Variants in CNKSR2 observed in about 807,000 individuals in gnomAD.
CNKSR2 encodes the protein CNK homolog protein 2.
In CNKSR2, 14 loss-of-function variants were observed where a neutral mutation model predicts 84.4. The observed-to-expected ratio is 0.17, with a 90% CI of 0.11 to 0.26. The LOEUF is 0.26. Ranked by LOEUF, CNKSR2 falls within the 10% of genes least tolerant of loss-of-function variation. The pLI, the probability that CNKSR2 is intolerant of heterozygous loss-of-function variation, is 1.00. For missense variants in CNKSR2, 485 were observed against 771.2 expected (o/e 0.63, Z 4.40); for synonymous variants, 275 against 277.9 (o/e 0.99, Z 0.10).
Position 21,653,740 on chromosome X carries a change from G to A in CNKSR2, c.*1219G>A, listed in dbSNP as rs765857464. On this transcript the variant is annotated 3_prime_UTR_variant, in exon 22 of 22. Transcript: ENST00000379510. ...TCTTCATATATTTCCATTTATAAGC[G>A]TCTTGTTTTTGAAAGTGATCACAGC... The A allele has an allele frequency of 2.7e-5, 3 of 110,811 alleles. No homozygotes were observed. The highest frequency in any genetic ancestry group is 2.9e-4 in the East Asian group (1 of 3,496). 9.1% of individuals were successfully genotyped at this position (110,811 alleles called of 1,213,427 possible).
At chrX:21,488,554 A>G (rs2091409138) in intron 5 of CNKSR2, among the ~76,000 whole-genome samples, 1 of 111,781 alleles carries the variant, frequency 8.9e-6, no homozygotes, top group South Asian at 3.8e-4. Flanking sequence ...GATAGACACA[A>G]TAAAAGTACA....
intron 1 of CNKSR2, among the ~76,000 whole-genome samples, chrX:21,394,715 A>G (rs1264973956): frequency 9.0e-6 from 1 of 111,448 alleles, no homozygotes; most frequent in Non-Finnish European, 1.9e-5. Flanking sequence ...GATTATTTAA[A>G]TTTTATTTCT....
chrX:21,560,740 C>T (rs2092180611), intron 11 of CNKSR2, among the ~76,000 whole-genome samples: 2 of 111,252 alleles, frequency 1.8e-5, no homozygotes, highest in Admixed American at 1.9e-4. Context: ...TGCAGCCTCA[C>T]CAAAATAAAA....
intron 11 of CNKSR2, among the ~76,000 whole-genome samples, chrX:21,561,038 A>T (rs2147186035): frequency 9.1e-6 from 1 of 110,409 alleles, no homozygotes; most frequent in South Asian, 3.9e-4. Flanking sequence ...CCAACTTGAA[A>T]CAGTGGGTTA....
At chrX:21,526,295 A>G (rs1209726234) in intron 9 of CNKSR2, among the ~76,000 whole-genome samples, 1 of 111,394 alleles carries the variant, frequency 9.0e-6, no homozygotes, top group Non-Finnish European at 1.9e-5. Context: ...GCTTATTTTG[A>G]CAGAAAAAAT....
rs1785813399 is a variant in CNKSR2, at chrX:21,649,315, G to A, written c.2889+288G>A. Among the ~76,000 whole-genome samples, 4 of 112,082 alleles carry A rather than the reference G, an allele frequency of 3.6e-5. No individual in the cohort carries two copies. The Admixed American group carries it at 3.8e-4, about 11-fold the overall frequency. On this transcript the variant is annotated intron_variant, in intron 21 of 21. Transcript: ENST00000379510. ...TGTTTTCTAAAAATGCAGGGCTGGT[G>A]TTATTCCTCAGTCTATAGATTTTCT...
rs1305351270 is a variant in CNKSR2 at position 21,531,934 on chromosome X, A to G, written c.1170A>G (p.Ser390=). ...AGCCAGTGCATAAGGGATCTGAATC[A>G]CCAAATTCATTTCTGGATCAGGAAT... ...VGKPVHKGSE[S]PNSFLDQEYR... is the part of the protein sequence containing the mutation. The change falls in exon 11 of 22, where the codon TCA becomes TCG. Residue 390 remains serine, a synonymous_variant. Transcript: ENST00000379510. The G allele has an allele frequency of 8.3e-7, 1 of 1,205,365 alleles. No individual in the cohort carries two copies. Among genetic ancestry groups the G allele is most frequent in the Non-Finnish European group, 1.1e-6 (1 of 890,224 alleles).
Position 21,490,801 on chromosome X carries a change from A to G in CNKSR2, c.681+223A>G, listed in dbSNP as rs2091434749. 2.1e-5 allele frequency: 5 copies of G among 236,279 alleles called. No individual in the cohort carries two copies. The South Asian group carries it at 7.0e-4, about 33-fold the overall frequency. 19.5% of individuals were successfully genotyped at this position (236,279 alleles called of 1,213,427 possible). ...GAGAATTGAAAATGGTGACTTCTGA[A>G]TTAATTTAATTTGGTACTCATTTAG... On this transcript the variant is annotated intron_variant, in intron 6 of 21. Transcript: ENST00000379510.
chrX:21,408,759 GT>G (rs1251168414), intron 1 of CNKSR2, among the ~76,000 whole-genome samples: 1 of 109,069 alleles, frequency 9.2e-6, no homozygotes, highest in Non-Finnish European at 1.9e-5. Context: ...TATCATGTTA[GT>G]TTTTTTTTAA....
chrX:21,540,141 G>T lies in CNKSR2; in HGVS notation c.1303+8074G>T, dbSNP rs764857610. Among the ~76,000 whole-genome samples, 5 of 112,392 alleles carry T rather than the reference G, an allele frequency of 4.4e-5. No homozygotes were observed. The East Asian group carries it at 1.4e-3, about 32-fold the overall frequency. ...CATCACAGTCACTTCAGGTAAGTTG[G>T]AAGGTGTGCACCAAGTGCTGTAGTA... On this transcript the variant is annotated intron_variant, in intron 11 of 21. Transcript: ENST00000379510.
At chrX:21,535,688 A>G (rs930096094) in intron 11 of CNKSR2, among the ~76,000 whole-genome samples, 2 of 110,859 alleles carry the variant, frequency 1.8e-5, no homozygotes, top group South Asian at 3.8e-4. Flanking sequence ...GGCATATAGA[A>G]ACACTACTGA....
intron 9 of CNKSR2, 72 bp downstream of exon 9, chrX:21,516,703 G>A: frequency 2.1e-6 from 2 of 969,948 alleles, no homozygotes; most frequent in East Asian, 6.3e-5. Flanking sequence ...CTTCTTTATT[G>A]TGCCTCATCT....
intron 4 of CNKSR2, among the ~76,000 whole-genome samples, chrX:21,445,351 A>G (rs1038174609): frequency 9.0e-6 from 1 of 111,568 alleles, no homozygotes; most frequent in African/African-American, 3.2e-5. Context: ...TATGGAGTAC[A>G]GAGTCATATT....
chrX:21,567,453 G>A (rs955453093), intron 13 of CNKSR2, among the ~76,000 whole-genome samples: 3 of 111,524 alleles, frequency 2.7e-5, no homozygotes. Flanking sequence ...GGCTTTCTCA[G>A]TGTCTTCAAC....
chrX:21,599,576 G>T (rs982224862), intron 17 of CNKSR2, among the ~76,000 whole-genome samples: 6 of 111,183 alleles, frequency 5.4e-5, no homozygotes. Flanking sequence ...TGTTGGTGAG[G>T]CTGGTTTCGA....
chrX:21,609,561 AGGAGGAGGAGGAGGAGGAGGAAGG>A lies in CNKSR2; in HGVS notation c.2642_2665del (p.Glu881_Glu888del). ...GTGCAACCCCCAGAGGTGGAGGAAG[AGGAGGAGGAGGAGGAGGAGGAAGG>A]GGAGGCAGCAGGGGAAAACATAGGA... On this transcript the variant is annotated inframe_deletion, in exon 20 of 22. Transcript: ENST00000379510. 1 of 1,002,611 alleles carries A rather than the reference AGGAGGAGGAGGAGGAGGAGGAAGG, an allele frequency of 1.0e-6. No individual in the cohort carries two copies. Among genetic ancestry groups the A allele is most frequent in the Non-Finnish European group, 1.3e-6 (1 of 749,525 alleles). 82.6% of individuals were successfully genotyped at this position (1,002,611 alleles called of 1,213,427 possible).
At chrX:21,489,568 C>A (rs1314103753) in intron 5 of CNKSR2, among the ~76,000 whole-genome samples, 1 of 111,879 alleles carries the variant, frequency 8.9e-6, no homozygotes, top group African/African-American at 3.2e-5. Context: ...CACTCCTATT[C>A]TACTTTCTTC....
chrX:21,608,282 C>T (rs1461272525), intron 19 of CNKSR2, among the ~76,000 whole-genome samples: 7 of 110,527 alleles, frequency 6.3e-5, no homozygotes, highest in African/African-American at 2.3e-4. Flanking sequence ...CGACCTGGGC[C>T]GGTGTGTTTG....
At chrX:21,437,405 A>G (rs1317540392) in intron 3 of CNKSR2, among the ~76,000 whole-genome samples, 1 of 106,691 alleles carries the variant, frequency 9.4e-6, no homozygotes, top group African/African-American at 3.4e-5. Flanking sequence ...TGCAGCAAAA[A>G]TGGTCTCTAT....
Sources: allele counts gnomAD v4.1 joint callset (sites outside exome capture counted in the v4.1 genomes callset), GRCh38; gene constraint gnomAD v4.1.1; transcripts MANE v1.5; gene names NCBI Gene and HGNC (gene_info 2026-07-23, HGNC 2026-07-21).